Variants in ECT2L observed in about 807,000 individuals in gnomAD.
ECT2L encodes the protein epithelial cell transforming 2 like, also known as epithelial cell-transforming sequence 2 oncogene-like.
A neutral mutation model predicts 122.8 loss-of-function variants in ECT2L; 126 were observed. The observed-to-expected ratio is 1.03, with a 90% CI of 0.89 to 1.19. The LOEUF (loss-of-function observed/expected upper bound fraction) is 1.19, where lower values mean the gene tolerates loss of function less well. Among genes scored for constraint, ECT2L ranks in the 50% most tolerant of loss-of-function variants. The probability of loss-of-function intolerance (pLI) is 0.00; values close to 1 mark genes in which losing one functional copy is unlikely to be tolerated. For missense variants in ECT2L, 1,012 were observed against 1,064.1 expected (o/e 0.95, Z 0.68); for synonymous variants, 385 against 381.8 (o/e 1.01, Z -0.10).
At chr6:138,884,138 T>C (rs2128408464) in intron 16 of ECT2L, among the ~76,000 whole-genome samples, 1 of 152,068 alleles carries the variant, frequency 6.6e-6, no homozygotes, top group African/African-American at 2.4e-5. Flanking sequence ...AGTGCTGGGA[T>C]TACAGGTGTG....
rs2128391425 is a variant in ECT2L at position 138,846,690 on chromosome 6, A to G, written c.903+13A>G. On this transcript the variant is annotated intron_variant, in intron 8 of 21. Transcript: ENST00000541398. ...TCCTGCGTATGAGGTAGAGTATGTT[A>G]TGAGGCCAGTCCTGTCCTGATTGTT... 6.3e-7 allele frequency: 1 copy of G among 1,582,548 alleles called. No homozygotes were observed. Among genetic ancestry groups the G allele is most frequent in the Non-Finnish European group, 8.6e-7 (1 of 1,165,694 alleles).
chr6:138,799,258 A>AT (rs59936372), intron 1 of ECT2L, among the ~76,000 whole-genome samples: 12,094 of 147,256 alleles, frequency 0.082, 520 homozygotes, highest in African/African-American at 0.12. Flanking sequence ...TGATTTTCTG[A>AT]TTTTTTTTTT....
intron 4 of ECT2L, among the ~76,000 whole-genome samples, chr6:138,818,949 C>G (rs1218797616): frequency 3.3e-5 from 5 of 151,962 alleles, no homozygotes; most frequent in Non-Finnish European, 2.9e-5. Context: ...CACAGGTGGG[C>G]CAAGGGGAAG....
At chr6:138,817,678 A>C (rs1776117542) in intron 4 of ECT2L, among the ~76,000 whole-genome samples, 1 of 152,204 alleles carries the variant, frequency 6.6e-6, no homozygotes, top group African/African-American at 2.4e-5. Flanking sequence ...TGGCCTAATA[A>C]GTATTCCCTA....
At chr6:138,830,646 C>G (rs754056140) in intron 4 of ECT2L, among the ~76,000 whole-genome samples, 3 of 152,110 alleles carry the variant, frequency 2.0e-5, no homozygotes, top group Non-Finnish European at 4.4e-5. Context: ...CTGCAGTTTT[C>G]GGTATGAACA....
chr6:138,844,320 G>T (rs562213407), intron 6 of ECT2L, 92 bp from the exon 7 acceptor site: 1 of 1,442,264 alleles, frequency 6.9e-7, no homozygotes, highest in Admixed American at 2.1e-5. Flanking sequence ...CCTTGCCCTG[G>T]TACAGCTTTA....
chr6:138,887,770 T>C (rs1008910454), intron 19 of ECT2L, among the ~76,000 whole-genome samples: 2 of 152,248 alleles, frequency 1.3e-5, no homozygotes, highest in African/African-American at 4.8e-5. Context: ...GCATACTCTT[T>C]CTTCTCTGAA....
chr6:138,847,156 G>A (rs1777251822), intron 8 of ECT2L, among the ~76,000 whole-genome samples: 1 of 151,150 alleles, frequency 6.6e-6, no homozygotes, highest in Admixed American at 6.6e-5. Flanking sequence ...TGTAGTCCCA[G>A]CTACTCGGGA....
In ECT2L at chr6:138,877,024, G is replaced by A. The variant is rs116778917; in HGVS notation, c.1665+466G>A. Among the ~76,000 whole-genome samples, 1,449 of 152,220 alleles carry A rather than the reference G, an allele frequency of 9.5e-3. 24 individuals are homozygous for A. Among genetic ancestry groups the A allele is most frequent in the African/African-American group, 0.033 (1,374 of 41,514 alleles). On this transcript the variant is annotated intron_variant, in intron 14 of 21. Transcript: ENST00000541398. ...GCCGGTCTCGTCCTGTGTAACCCAC[G>A]GCATGGGCACACTGTTTTGTTTTCT...
At chr6:138,886,989 G>A (rs1171364763) in intron 19 of ECT2L, 67 bp downstream of exon 19, 5 of 1,293,160 alleles carry the variant, frequency 3.9e-6, no homozygotes, top group Non-Finnish European at 5.6e-6. Flanking sequence ...TTTGCAAAAG[G>A]AGACCTACAG....
chr6:138,806,352 T>C (rs1233256477), intron 1 of ECT2L, among the ~76,000 whole-genome samples: 2 of 152,106 alleles, frequency 1.3e-5, no homozygotes, highest in Non-Finnish European at 2.9e-5. Context: ...AAAAGCTATA[T>C]CCACAAGTCT....
intron 20 of ECT2L, among the ~76,000 whole-genome samples, chr6:138,896,213 G>A (rs949987844): frequency 6.6e-6 from 1 of 151,770 alleles, no homozygotes; most frequent in Non-Finnish European, 1.5e-5. Context: ...TTACAGGCGT[G>A]AGCCACTGCA....
intron 20 of ECT2L, among the ~76,000 whole-genome samples, chr6:138,897,204 G>A (rs550224341): frequency 2.0e-5 from 3 of 152,068 alleles, no homozygotes; most frequent in Non-Finnish European, 4.4e-5. Flanking sequence ...AGCAGAGGCA[G>A]ATTTCTGAAA....
At chr6:138,896,107 TC>T (rs1441032103) in intron 20 of ECT2L, among the ~76,000 whole-genome samples, 1 of 128,400 alleles carries the variant, frequency 7.8e-6, no homozygotes. Flanking sequence ...TTTTTTTTTT[TC>T]CTTAATGAGA....
chr6:138,843,622 A>C (rs1185064895), intron 6 of ECT2L, among the ~76,000 whole-genome samples: 1 of 151,830 alleles, frequency 6.6e-6, no homozygotes, highest in Non-Finnish European at 1.5e-5. Context: ...AATGGCATTT[A>C]AAAAGGGAGA....
intron 4 of ECT2L, among the ~76,000 whole-genome samples, chr6:138,832,751 G>T (rs9376374): frequency 0.059 from 8,818 of 149,870 alleles, 368 homozygotes; most frequent in East Asian, 0.21. Flanking sequence ...TTTTTTTGTT[G>T]TTTTTTTTTT....
At chr6:138,824,557 A>AT (rs1325700925) in intron 4 of ECT2L, among the ~76,000 whole-genome samples, 4 of 49,462 alleles carry the variant, frequency 8.1e-5, no homozygotes, top group African/African-American at 3.0e-4. Context: ...AAAAAAAACT[A>AT]TAAAAAAAAA....
intron 1 of ECT2L, among the ~76,000 whole-genome samples, chr6:138,803,332 A>T (rs1446477018): frequency 6.6e-6 from 1 of 151,982 alleles, no homozygotes; most frequent in African/African-American, 2.4e-5. Context: ...ACACACACAC[A>T]CACACACACA....
intron 19 of ECT2L, among the ~76,000 whole-genome samples, chr6:138,888,348 A>ACTC (rs1241956225): frequency 7.6e-6 from 1 of 130,752 alleles, no homozygotes; most frequent in Non-Finnish European, 1.6e-5. Flanking sequence ...ATGGAGTCTC[A>ACTC]CTCTGTTGCC....
Sources: gnomAD v4.1 joint callset for allele counts (sites outside exome capture counted in the v4.1 genomes callset) on GRCh38, gnomAD v4.1.1 for gene constraint, MANE v1.5 for transcripts, NCBI Gene and HGNC (gene_info 2026-07-23, HGNC 2026-07-21) for gene names.